The following STAT3 variants were observed in gnomAD, a reference collection of about 807,000 sequenced individuals.
STAT3 encodes signal transducer and activator of transcription 3, also known as DNA-binding protein APRF.
In STAT3, 7 loss-of-function variants were observed where a neutral mutation model predicts 114.3. That is an observed-to-expected ratio of 0.06 (90% confidence interval 0.03 to 0.11). The LOEUF (loss-of-function observed/expected upper bound fraction) is 0.11. STAT3 is among the 10% of genes least tolerant of loss of function. STAT3 has a pLI of 1.00. For synonymous variants in STAT3, 331 were observed against 354.5 expected (o/e 0.93, Z 0.74); for missense variants, 364 against 960.9 (o/e 0.38, Z 8.21).
Position 42,313,569 on chromosome 17 carries a change from G to A in STAT3, c.*2176C>T, listed in dbSNP as rs1021870093. ...GGGGAGGGGGCAGTGGACAGGAAGC[G>A]GGCAGGGCCTGAGGACCCTGTTCTT... is the stretch of plus-strand genomic sequence containing the variant. On this transcript the variant is annotated 3_prime_UTR_variant, in exon 24 of 24. Transcript: ENST00000264657. The A allele has an allele frequency of 8.2e-5, 19 of 230,974 alleles. No homozygotes were observed. Among genetic ancestry groups the A allele is most frequent in the African/African-American group, 3.3e-4 (15 of 45,100 alleles). 14.3% of individuals were successfully genotyped at this position (230,974 alleles called of 1,614,324 possible).
chr17:42,316,486 TG>T, intron 23 of STAT3: 1 of 571,280 alleles, frequency 1.8e-6, no homozygotes, highest in Non-Finnish European at 3.0e-6. Flanking sequence ...CCCAAAGTGC[TG>T]GGATTACAGG....
intron 3 of STAT3, among the ~76,000 whole-genome samples, chr17:42,346,187 G>A (rs769724845): frequency 3.9e-5 from 6 of 152,068 alleles, no homozygotes; most frequent in Non-Finnish European, 7.4e-5. Context: ...CCTTGTCTGA[G>A]TCTTTACACA....
intron 1 of STAT3, among the ~76,000 whole-genome samples, chr17:42,381,780 C>A (rs1017088714): frequency 8.7e-5 from 13 of 149,348 alleles, no homozygotes; most frequent in Non-Finnish European, 1.8e-4. Flanking sequence ...TCCAAGATAA[C>A]CTGGTAAACA....
chr17:42,326,136 C>T lies in STAT3; in HGVS notation c.1345G>A (p.Gly449Ser), dbSNP rs2081709946. ...ITFETEVYHQ[G>S]LKIDLETHSL... Reference sequence around the variant, plus strand: ...CTTACCTCTAGGTCAATCTTGAGGCCTTGGTGATACACCTCGGTCTCAAAG... The same window carrying T: ...CTTACCTCTAGGTCAATCTTGAGGCTTTGGTGATACACCTCGGTCTCAAAG... The change falls in exon 15 of 24, where the codon GGC becomes AGC. Residue 449 changes from glycine (G) to serine (S), a missense_variant. Transcript: ENST00000264657. The T allele has an allele frequency of 6.2e-7, 1 of 1,614,038 alleles. No homozygotes were observed. The highest frequency in any genetic ancestry group is 8.5e-7 in the Non-Finnish European group (1 of 1,179,930).
intron 4 of STAT3, among the ~76,000 whole-genome samples, chr17:42,343,455 CTTTTTTTTTTTT>C (rs34846688): frequency 3.0e-5 from 3 of 99,172 alleles, no homozygotes; most frequent in Non-Finnish European, 3.9e-5. Context: ...TCAGATCTTT[CTTTTTTTTTTTT>C]TTTTTTTTTC....
intron 1 of STAT3, among the ~76,000 whole-genome samples, chr17:42,354,666 G>T (rs1037001291): frequency 9.9e-5 from 15 of 151,158 alleles, no homozygotes; most frequent in Admixed American, 7.2e-4. Context: ...AATTAGCCAG[G>T]CGTGGTGGTG....
intron 1 of STAT3, among the ~76,000 whole-genome samples, chr17:42,369,315 C>T (rs993362291): frequency 3.3e-5 from 5 of 152,150 alleles, no homozygotes; most frequent in African/African-American, 1.2e-4. Flanking sequence ...TGAAATCGTG[C>T]CACCTGCATT....
intron 1 of STAT3, among the ~76,000 whole-genome samples, chr17:42,376,559 A>C (rs1037986610): frequency 6.6e-6 from 1 of 151,118 alleles, no homozygotes; most frequent in East Asian, 2.0e-4. Context: ...AAAAAAAAAA[A>C]AAACCGGCCA....
rs1219493077 is a variant in STAT3 at position 42,314,741 on chromosome 17, T to C, written c.*1004A>G. 1 of 218,830 alleles carries C rather than the reference T, an allele frequency of 4.6e-6. No individual in the cohort carries two copies. The highest frequency in any genetic ancestry group is 2.2e-5 in the African/African-American group (1 of 44,556). 13.6% of individuals were successfully genotyped at this position (218,830 alleles called of 1,614,324 possible). ...TCAACACCAAAGGCCAGGTTGCAGC[T>C]TCAGATGTCTTAAGGGTTTGACCTG... On this transcript the variant is annotated 3_prime_UTR_variant, in exon 24 of 24. Coordinates refer to ENST00000264657, the MANE Select transcript of STAT3 (RefSeq NM_139276.3).
intron 1 of STAT3, among the ~76,000 whole-genome samples, chr17:42,384,483 G>A (rs1315522911): frequency 6.6e-6 from 1 of 151,722 alleles, no homozygotes. Flanking sequence ...AAATTCCTTG[G>A]TCCTGTATTC....
chr17:42,318,349 A>T (rs2081334529), intron 21 of STAT3, among the ~76,000 whole-genome samples: 1 of 150,704 alleles, frequency 6.6e-6, no homozygotes, highest in Admixed American at 6.6e-5. Flanking sequence ...CTGGTCTTGA[A>T]CTCCTGACCT....
intron 2 of STAT3, among the ~76,000 whole-genome samples, chr17:42,347,706 T>C (rs2082762170): frequency 6.6e-6 from 1 of 152,184 alleles, no homozygotes. Flanking sequence ...ACCATCCCTG[T>C]TGATACTGTC....
At chr17:42,318,512 G>T (rs912493516) in intron 21 of STAT3, among the ~76,000 whole-genome samples, 1 of 152,154 alleles carries the variant, frequency 6.6e-6, no homozygotes, top group Admixed American at 6.6e-5. Context: ...TATGAGCTTT[G>T]TCATTTATAA....
In STAT3 at chr17:42,324,593, T is replaced by TTGCTCAGGAAA; in HGVS notation, c.1600+107_1600+117dup. ...TGTTTCCTGGCACCAGCACAGCGCC[T>TTGCTCAGGAAA]TGCTCAGGAAAGAAACATGGCCTAA... On this transcript the variant is annotated intron_variant, in intron 17 of 23. Coordinates refer to ENST00000264657, the MANE Select transcript of STAT3 (RefSeq NM_139276.3). This position sits in a 1 kb window ranked among gnomAD's most constrained non-coding sequence, Gnocchi z 4.5. 1 of 1,426,024 alleles carries TTGCTCAGGAAA rather than the reference T, an allele frequency of 7.0e-7. No individual in the cohort carries two copies. The highest frequency in any genetic ancestry group is 2.5e-5 in the East Asian group (1 of 39,900). 88.3% of individuals were successfully genotyped at this position (1,426,024 alleles called of 1,614,324 possible). A position where few individuals can be genotyped will look rare whatever the true frequency, so the allele number is the denominator to read the frequency against.
At chr17:42,366,593 C>A (rs1324433626) in intron 1 of STAT3, among the ~76,000 whole-genome samples, 1 of 148,622 alleles carries the variant, frequency 6.7e-6, no homozygotes, top group African/African-American at 2.5e-5. Context: ...ATCACTTGAG[C>A]CCAGGAGGCG....
At chr17:42,317,405 C>T (rs2081294690) in intron 21 of STAT3, 181 bp from the exon 22 acceptor site, 2 of 697,940 alleles carry the variant, frequency 2.9e-6, no homozygotes, top group African/African-American at 3.5e-5. Context: ...TATTTGATCT[C>T]CCAGGCACTA....
chr17:42,336,350 G>A (rs2082228057), intron 8 of STAT3, among the ~76,000 whole-genome samples: 1 of 152,142 alleles, frequency 6.6e-6, no homozygotes. Flanking sequence ...TAATTCCAGA[G>A]CTTTTGAGAG....
intron 5 of STAT3, among the ~76,000 whole-genome samples, chr17:42,339,019 A>C (rs2082331213): frequency 6.6e-6 from 1 of 152,072 alleles, no homozygotes; most frequent in Admixed American, 6.6e-5. Flanking sequence ...TGAGAGGCTG[A>C]GTTGGGAGGA....
In STAT3 at chr17:42,348,511, G is replaced by A. The variant is rs1461050869; in HGVS notation, c.6C>T (p.Ala2=). 1 of 1,613,516 alleles carries A rather than the reference G, an allele frequency of 6.2e-7. No homozygotes were observed. Among genetic ancestry groups the A allele is most frequent in the Admixed American group, 1.7e-5 (1 of 59,990 alleles). The change falls in exon 2 of 24, where the codon GCC becomes GCT. Residue 2 remains alanine, a synonymous_variant. Coordinates refer to ENST00000264657, the MANE Select transcript of STAT3 (RefSeq NM_139276.3). M[A]QWNQLQQLDT... ...CAAGCTGCTGTAGCTGATTCCATTG[G>A]GCCATCCTGCTAAAATCAGGGGTCC...
Sources: gnomAD v4.1 joint callset for allele counts (sites outside exome capture counted in the v4.1 genomes callset) on GRCh38, gnomAD v4.1.1 for gene constraint, Gnocchi (gnomAD v3.1) non-coding constraint, MANE v1.5 for transcripts, NCBI Gene and HGNC (gene_info 2026-07-23, HGNC 2026-07-21) for gene names.